KAZN: variants seen among roughly 807,000 people sequenced by gnomAD.
The protein encoded by KAZN is kazrin, periplakin interacting protein.
In KAZN, 40 loss-of-function variants were observed where a neutral mutation model predicts 87.4. That is an observed-to-expected ratio of 0.46 (90% CI 0.36 to 0.60). The LOEUF (loss-of-function observed/expected upper bound fraction) is 0.60. Ranked by LOEUF, KAZN falls within the 20% of genes least tolerant of loss-of-function variation. The pLI, the probability that KAZN is intolerant of heterozygous loss-of-function variation, is 0.00. For missense variants in KAZN, 898 were observed against 1,073.9 expected (o/e 0.84, Z 2.29); for synonymous variants, 466 against 458.3 (o/e 1.02, Z -0.22).
In KAZN at chr1:13,981,986, T is replaced by C. The variant is rs114993482; in HGVS notation, c.91+88230T>C. On this transcript the variant is annotated intron_variant, in intron 1 of 16. Transcript: ENST00000636203. ...ACTTGGCCGAAGTCACACACAGAGA[T>C]GGGGGGCTGTCCTCTTGGTTTGCTA... Among the ~76,000 whole-genome samples the C allele has an allele frequency of 8.3e-4, 126 of 152,300 alleles. 1 individual carries two copies. Among genetic ancestry groups the C allele is most frequent in the African/African-American group, 2.9e-3 (122 of 41,574 alleles).
Position 14,078,185 on chromosome 1 carries a change from A to C in KAZN, c.92-102250A>C, listed in dbSNP as rs112585083. On this transcript the variant is annotated intron_variant, in intron 1 of 16. Coordinates refer to the KAZN transcript ENST00000636203. ...TTTGGGGTCAGGACACATGGCTGGC[A>C]CTGATGAGCTGATGTACACTCTTGC... 6.7e-3 allele frequency among the ~76,000 whole-genome samples: 1,017 copies of C among 152,254 alleles called. 15 individuals carry two copies. Among genetic ancestry groups the C allele is most frequent in the African/African-American group, 0.023 (974 of 41,540 alleles).
intron 2 of KAZN, among the ~76,000 whole-genome samples, chr1:14,238,216 C>G (rs1648604219): frequency 6.6e-6 from 1 of 152,182 alleles, no homozygotes; most frequent in Non-Finnish European, 1.5e-5. Flanking sequence ...GCAGTAGACC[C>G]AATGCCAGAC....
At chr1:14,392,305 T>C (rs753517175) in intron 2 of KAZN, among the ~76,000 whole-genome samples, 8 of 152,128 alleles carry the variant, frequency 5.3e-5, no homozygotes, top group African/African-American at 1.4e-4. Context: ...TTACAGCATA[T>C]CTAGTAATGA....
chr1:14,178,540 TA>T (rs1455281595), intron 1 of KAZN, among the ~76,000 whole-genome samples: 1 of 152,250 alleles, frequency 6.6e-6, no homozygotes, highest in African/African-American at 2.4e-5. Flanking sequence ...GGTTCTGATT[TA>T]AATATTCTAC....
chr1:14,674,340 A>T (rs1483413386), intron 1 of KAZN, among the ~76,000 whole-genome samples: 2 of 152,232 alleles, frequency 1.3e-5, no homozygotes, highest in Non-Finnish European at 2.9e-5. Flanking sequence ...TGTGGTCACC[A>T]AAAGAACCAT....
At chr1:14,917,940 G>A (rs964691208) in intron 1 of KAZN, among the ~76,000 whole-genome samples, 6 of 151,498 alleles carry the variant, frequency 4.0e-5, no homozygotes, top group East Asian at 1.9e-4. Flanking sequence ...GTGCAGTGGC[G>A]CGATCTCAGC....
chr1:14,811,904 G>A (rs926127699), intron 1 of KAZN, among the ~76,000 whole-genome samples: 47 of 152,186 alleles, frequency 3.1e-4, no homozygotes, highest in African/African-American at 1.1e-3. Flanking sequence ...ATGGAAGAAT[G>A]AAAACTTGAA....
chr1:14,887,595 TC>T (rs1240252212), intron 1 of KAZN, among the ~76,000 whole-genome samples: 1 of 151,806 alleles, frequency 6.6e-6, no homozygotes. Flanking sequence ...CATGCAACCT[TC>T]CCTGCAATTT....
Position 15,099,993 on chromosome 1 carries a change from A to G in KAZN, c.1548-1550A>G, listed in dbSNP as rs1281181243. Reference sequence around the variant, plus strand: ...GTGACAGTGACAGTGAAGGGGAACAACTGAGCCATTAAGTATGACACGTCT... The same window carrying G: ...GTGACAGTGACAGTGAAGGGGAACAGCTGAGCCATTAAGTATGACACGTCT... On this transcript the variant is annotated intron_variant, in intron 10 of 14. Transcript: ENST00000376030. The surrounding 1 kb of genome is among the most constrained non-coding windows in gnomAD (Gnocchi z 5.4). 6.6e-6 allele frequency among the ~76,000 whole-genome samples: 1 copy of G among 152,126 alleles called. No homozygotes were observed. Among genetic ancestry groups the G allele is most frequent in the Non-Finnish European group, 1.5e-5 (1 of 68,032 alleles).
intron 1 of KAZN, among the ~76,000 whole-genome samples, chr1:13,968,279 A>T (rs1642014867): frequency 6.6e-6 from 1 of 152,150 alleles, no homozygotes; most frequent in Non-Finnish European, 1.5e-5. Flanking sequence ...AGGGTGATTT[A>T]AATCAGGGTG....
intron 1 of KAZN, among the ~76,000 whole-genome samples, chr1:13,952,499 TCTCTC>T (rs1322832035): frequency 2.6e-5 from 4 of 152,104 alleles, no homozygotes; most frequent in African/African-American, 4.8e-5. Flanking sequence ...CACTATCTTA[TCTCTC>T]CTCTCACCCC....
At chr1:14,883,318 A>AAGAAAGAGAGAGAGAGAGAG in intron 1 of KAZN, among the ~76,000 whole-genome samples, 1 of 38,592 alleles carries the variant, frequency 2.6e-5, no homozygotes, top group South Asian at 1.6e-3. Flanking sequence ...GAAAGAAAGA[A>AAGAAAGAGAGAGAGAGAGAG]AGAGAGAGAG....
chr1:14,771,333 T>C (rs903647298), intron 1 of KAZN, among the ~76,000 whole-genome samples: 2 of 151,958 alleles, frequency 1.3e-5, no homozygotes, highest in African/African-American at 4.8e-5. Context: ...GGTTGCAGGA[T>C]ACTCAAGGAG....
intron 2 of KAZN, among the ~76,000 whole-genome samples, chr1:14,284,530 A>C (rs1223205998): frequency 1.3e-5 from 2 of 152,198 alleles, no homozygotes; most frequent in African/African-American, 4.8e-5. Flanking sequence ...GACAGCAAAT[A>C]GGGGAAAGAT....
rs1444904363 is a variant in KAZN, at chr1:15,092,225, T to C, written c.1223-1955T>C. ...CCGAGTAGCTGGGATTACAGGCATA[T>C]GCCACCACCCAGGCTAATTTTGTAT... On this transcript the variant is annotated intron_variant, in intron 8 of 14. Transcript: ENST00000376030. Among the ~76,000 whole-genome samples, 103 of 151,406 alleles carry C rather than the reference T, an allele frequency of 6.8e-4. 1 individual carries two copies. The highest frequency in any genetic ancestry group is 6.8e-4 in the Non-Finnish European group (46 of 67,784).
At chr1:14,428,663 A>G (rs546613332) in intron 2 of KAZN, among the ~76,000 whole-genome samples, 5 of 152,298 alleles carry the variant, frequency 3.3e-5, no homozygotes, top group South Asian at 2.1e-4. Context: ...GAAATTTACA[A>G]TCATGGTGGA....
At chr1:14,818,418 C>A (rs553993217) in intron 1 of KAZN, among the ~76,000 whole-genome samples, 12 of 152,282 alleles carry the variant, frequency 7.9e-5, no homozygotes, top group African/African-American at 2.9e-4. Context: ...AGCGCGTTAC[C>A]CAGGTGGGTG....
chr1:13,975,349 G>T (rs768752284), intron 1 of KAZN, among the ~76,000 whole-genome samples: 7 of 152,136 alleles, frequency 4.6e-5, no homozygotes, highest in Non-Finnish European at 8.8e-5. Flanking sequence ...ATATAAAAAA[G>T]GTCTCTTTAT....
intron 2 of KAZN, among the ~76,000 whole-genome samples, chr1:14,982,618 G>A (rs965152410): frequency 2.0e-5 from 3 of 151,926 alleles, no homozygotes; most frequent in Non-Finnish European, 4.4e-5. Context: ...GTAGAGATGC[G>A]GTTTCACCAT....
Sources: gnomAD v4.1 joint callset for allele counts (sites outside exome capture counted in the v4.1 genomes callset) on GRCh38, gnomAD v4.1.1 for gene constraint, Gnocchi (gnomAD v3.1) non-coding constraint, MANE v1.5 for transcripts, NCBI Gene and HGNC (gene_info 2026-07-23, HGNC 2026-07-21) for gene names.